The following CCSER1 variants were observed in gnomAD, a reference collection of about 807,000 sequenced individuals.
CCSER1 encodes the protein serine-rich coiled-coil domain-containing protein 1.
CCSER1 carries 41 observed loss-of-function variants against 82.0 expected under a neutral mutation model. The ratio of observed to expected loss-of-function variants is 0.50; its 90% CI spans 0.39 to 0.65. The LOEUF is 0.65. Ranked by LOEUF, CCSER1 falls within the 30% of genes least tolerant of loss-of-function variation. The pLI is 0.00. For synonymous variants in CCSER1, 414 were observed against 383.9 expected, an observed-to-expected ratio of 1.08 and a Z score of -0.92; for missense variants, 1,119 against 1,064.2, an observed-to-expected ratio of 1.05 and a Z score of -0.72.
chr4:91,331,826 T>C (rs1017481963), intron 10 of CCSER1, among the ~76,000 whole-genome samples: 1 of 152,162 alleles, frequency 6.6e-6, no homozygotes, highest in Non-Finnish European at 1.5e-5. Context: ...AGATATTTGT[T>C]CACTAAAGAG....
intron 9 of CCSER1, among the ~76,000 whole-genome samples, chr4:91,028,809 A>G (rs1740718310): frequency 6.6e-6 from 1 of 152,076 alleles, no homozygotes; most frequent in South Asian, 2.1e-4. Context: ...TTTGAGACAG[A>G]TGCAGTCATA....
At chr4:91,093,796 C>T (rs1724220073) in intron 10 of CCSER1, among the ~76,000 whole-genome samples, 1 of 152,212 alleles carries the variant, frequency 6.6e-6, no homozygotes, top group Non-Finnish European at 1.5e-5. Flanking sequence ...AAAAGTCTTG[C>T]TGTTGCAGAG....
intron 1 of CCSER1, among the ~76,000 whole-genome samples, chr4:90,253,719 T>A (rs1384505331): frequency 6.6e-6 from 1 of 152,200 alleles, no homozygotes; most frequent in African/African-American, 2.4e-5. Flanking sequence ...TCTCTGATAT[T>A]GTTCCTAAGA....
At chr4:90,711,694 T>C (rs971577665) in intron 6 of CCSER1, among the ~76,000 whole-genome samples, 2 of 151,556 alleles carry the variant, frequency 1.3e-5, no homozygotes, top group Admixed American at 6.6e-5. Context: ...TTGATCATGG[T>C]GGATAAACGT....
At chr4:90,950,462 C>A (rs1332070387) in intron 9 of CCSER1, among the ~76,000 whole-genome samples, 6 of 151,962 alleles carry the variant, frequency 3.9e-5, no homozygotes, top group Non-Finnish European at 8.8e-5. Flanking sequence ...AATATCATCA[C>A]CTACTAATCA....
intron 5 of CCSER1, among the ~76,000 whole-genome samples, chr4:90,523,138 C>T (rs1773341242): frequency 6.6e-6 from 1 of 151,942 alleles, no homozygotes; most frequent in Non-Finnish European, 1.5e-5. Context: ...TATTTTAAGC[C>T]AGGTTCAGTA....
chr4:90,930,967 TAC>T (rs34825705), intron 9 of CCSER1, among the ~76,000 whole-genome samples: 15,742 of 142,134 alleles, frequency 0.11, 1,436 homozygotes, highest in African/African-American at 0.23. Flanking sequence ...ACATACATGA[TAC>T]ATATATGTAC....
chr4:90,170,604 A>T lies in CCSER1; in HGVS notation c.-42+42773A>T, dbSNP rs544169136. Among the ~76,000 whole-genome samples, 24 of 151,990 alleles carry T rather than the reference A, an allele frequency of 1.6e-4. No individual in the cohort carries two copies. The East Asian group carries it at 1.7e-3, about 11-fold the overall frequency. On this transcript the variant is annotated intron_variant, in intron 1 of 10. Coordinates refer to ENST00000509176, the MANE Select transcript of CCSER1 (RefSeq NM_001145065.2). Reference sequence around the variant, plus strand: ...TCATTTTTTTTTAGCACCCACAAATAGATGAGAACATATGCAATTTATCTT... The same window carrying T: ...TCATTTTTTTTTAGCACCCACAAATTGATGAGAACATATGCAATTTATCTT...
At chr4:90,700,857 G>A (rs575927300) in intron 6 of CCSER1, among the ~76,000 whole-genome samples, 1 of 152,034 alleles carries the variant, frequency 6.6e-6, no homozygotes, top group South Asian at 2.1e-4. Flanking sequence ...TAATTTGTTT[G>A]AGTTCTTTGT....
chr4:90,905,127 A>G (rs1264282686), intron 8 of CCSER1, among the ~76,000 whole-genome samples: 1 of 152,080 alleles, frequency 6.6e-6, no homozygotes, highest in Admixed American at 6.6e-5. Context: ...TCCCTTTTGC[A>G]AAAAGCATTT....
intron 5 of CCSER1, among the ~76,000 whole-genome samples, chr4:90,496,454 C>T (rs1769017331): frequency 6.6e-6 from 1 of 152,158 alleles, no homozygotes; most frequent in South Asian, 2.1e-4. Flanking sequence ...AGATTTCCTA[C>T]ATTTCACTGT....
intron 5 of CCSER1, among the ~76,000 whole-genome samples, chr4:90,473,995 G>A (rs1764735848): frequency 1.3e-5 from 2 of 152,174 alleles, no homozygotes; most frequent in Non-Finnish European, 2.9e-5. Flanking sequence ...ACAAAAATTA[G>A]CTGGGCGTGG....
intron 10 of CCSER1, among the ~76,000 whole-genome samples, chr4:91,439,660 C>A (rs1388307916): frequency 6.6e-6 from 1 of 151,990 alleles, no homozygotes; most frequent in Non-Finnish European, 1.5e-5. Context: ...TTAAAAGACA[C>A]AGACTGGCAA....
intron 10 of CCSER1, among the ~76,000 whole-genome samples, chr4:91,247,917 C>T (rs906121365): frequency 2.6e-5 from 4 of 151,844 alleles, no homozygotes; most frequent in South Asian, 4.2e-4. Context: ...AAACACGAAC[C>T]GGGACTCCTT....
rs11728228 is a variant in CCSER1, at chr4:91,314,822, A to C, written c.2217+228828A>C. ...TATGTCTGATTTTTTATTTATGTAC[A>C]TGCCTATTTCCCTCTATTGTAGTTA... On this transcript the variant is annotated intron_variant, in intron 10 of 10. Transcript: ENST00000509176. Among the ~76,000 whole-genome samples, 116 of 152,108 alleles carry C rather than the reference A, an allele frequency of 7.6e-4. 1 individual carries two copies. The South Asian group carries it at 7.9e-3, about 10-fold the overall frequency.
At chr4:90,739,939 A>T (rs1489541344) in intron 7 of CCSER1, among the ~76,000 whole-genome samples, 1 of 152,166 alleles carries the variant, frequency 6.6e-6, no homozygotes, top group African/African-American at 2.4e-5. Context: ...GTAATTACTT[A>T]CATGAGTTTT....
intron 10 of CCSER1, among the ~76,000 whole-genome samples, chr4:91,511,652 T>G (rs1023666778): frequency 6.6e-6 from 1 of 152,076 alleles, no homozygotes; most frequent in Non-Finnish European, 1.5e-5. Flanking sequence ...TTTGGGAACA[T>G]GAACCCTGTT....
intron 10 of CCSER1, among the ~76,000 whole-genome samples, chr4:91,270,844 T>C (rs1470335175): frequency 6.6e-6 from 1 of 152,134 alleles, no homozygotes; most frequent in Non-Finnish European, 1.5e-5. Flanking sequence ...GCTAATATAA[T>C]AAAGCATTTT....
chr4:91,169,565 T>C (rs2148999268), intron 10 of CCSER1, among the ~76,000 whole-genome samples: 2 of 152,226 alleles, frequency 1.3e-5, no homozygotes, highest in Middle Eastern at 6.8e-3. Context: ...ACATTGCAGT[T>C]AGTTGAGATC....
Sources: allele counts gnomAD v4.1 joint callset (sites outside exome capture counted in the v4.1 genomes callset), GRCh38; gene constraint gnomAD v4.1.1; transcripts MANE v1.5; gene names NCBI Gene and HGNC (gene_info 2026-07-23, HGNC 2026-07-21).